Variants in SORCS1 observed in about 807,000 individuals in gnomAD.
SORCS1 encodes VPS10 domain-containing receptor SorCS1.
A neutral mutation model predicts 146.1 loss-of-function variants in SORCS1; 60 were observed. The observed-to-expected ratio is 0.41, with a 90% CI of 0.33 to 0.51. The LOEUF is 0.51. Among genes scored for constraint, SORCS1 ranks in the 20% least tolerant of loss-of-function variants. The pLI, the probability that SORCS1 is intolerant of heterozygous loss-of-function variation, is 0.21. For missense variants in SORCS1, 1,352 were observed against 1,487.6 expected (o/e 0.91, Z 1.50); for synonymous variants, 637 against 584.0 (o/e 1.09, Z -1.31).
At chr10:106,835,195 A>G (rs1413286575) in intron 2 of SORCS1, among the ~76,000 whole-genome samples, 1 of 152,234 alleles carries the variant, frequency 6.6e-6, no homozygotes, top group Non-Finnish European at 1.5e-5. Context: ...GGATCAGTAT[A>G]GGATACAGCT....
At chr10:106,745,423 GAAAAGA>G (rs1247384595) in intron 5 of SORCS1, among the ~76,000 whole-genome samples, 8 of 148,880 alleles carry the variant, frequency 5.4e-5, no homozygotes, top group Admixed American at 2.0e-4. Context: ...AAAAAAAAAA[GAAAAGA>G]AAAAGAAAAA....
chr10:107,179,370 C>T, the SORCS1 span, among the ~76,000 whole-genome samples: 1 of 152,084 alleles, frequency 6.6e-6, no homozygotes, highest in East Asian at 1.9e-4. Flanking sequence ...TATCATGTTG[C>T]CCTTGTATAG....
chr10:106,796,866 T>G (rs1381954884), intron 3 of SORCS1, among the ~76,000 whole-genome samples: 2 of 152,230 alleles, frequency 1.3e-5, no homozygotes, highest in Non-Finnish European at 2.9e-5. Context: ...TCCCAGCACT[T>G]TGGGAGGCCA....
intron 2 of SORCS1, among the ~76,000 whole-genome samples, chr10:106,832,345 C>A (rs1932764): frequency 0.28 from 43,257 of 151,854 alleles, 7,165 homozygotes; most frequent in Non-Finnish European, 0.38. Context: ...CACATCACCA[C>A]ATCCAGCTAA....
chr10:106,894,232 T>C (rs563622218), intron 2 of SORCS1, among the ~76,000 whole-genome samples: 1 of 151,538 alleles, frequency 6.6e-6, no homozygotes, highest in South Asian at 2.1e-4. Context: ...GTGGGGCATG[T>C]GTGCATGTGT....
chr10:106,707,641 C>T (rs2135818533), intron 7 of SORCS1, among the ~76,000 whole-genome samples: 1 of 152,214 alleles, frequency 6.6e-6, no homozygotes, highest in East Asian at 1.9e-4. Context: ...CAGGTGCCAC[C>T]ACAGCCAGTT....
intron 17 of SORCS1, among the ~76,000 whole-genome samples, chr10:106,662,638 C>A (rs1159446461): frequency 2.0e-5 from 3 of 152,156 alleles, no homozygotes; most frequent in Non-Finnish European, 4.4e-5. Context: ...ACACAGGGTT[C>A]CCAGTGGCTG....
intron 2 of SORCS1, among the ~76,000 whole-genome samples, chr10:106,924,673 T>TTGG (rs1952911739): frequency 1.3e-5 from 2 of 151,832 alleles, no homozygotes; most frequent in African/African-American, 4.8e-5. Context: ...TTTACAGATG[T>TTGG]TGGTGCTGCT....
At chr10:106,670,987 C>A (rs148061414) in intron 16 of SORCS1, among the ~76,000 whole-genome samples, 19 of 152,148 alleles carry the variant, frequency 1.2e-4, no homozygotes, top group Non-Finnish European at 2.4e-4. Context: ...AGCCACCATG[C>A]CCGGCCAAAT....
intron 1 of SORCS1, among the ~76,000 whole-genome samples, chr10:106,975,773 T>C (rs1260542163): frequency 6.6e-6 from 1 of 152,242 alleles, no homozygotes; most frequent in Non-Finnish European, 1.5e-5. Flanking sequence ...AATCCTGTAA[T>C]ACTGACCTTC....
At chr10:106,719,167 G>A (rs1439833342) in intron 6 of SORCS1, among the ~76,000 whole-genome samples, 1 of 152,188 alleles carries the variant, frequency 6.6e-6, no homozygotes, top group Non-Finnish European at 1.5e-5. Context: ...AGGAAGAAAA[G>A]AAGAAAGCAA....
At chr10:106,875,863 G>A (rs1382172870) in intron 2 of SORCS1, among the ~76,000 whole-genome samples, 1 of 152,116 alleles carries the variant, frequency 6.6e-6, no homozygotes, top group African/African-American at 2.4e-5. Context: ...AGTGACAGAA[G>A]TAGAAAAAGT....
At chr10:106,692,799 G>A (rs550395237) in intron 9 of SORCS1, among the ~76,000 whole-genome samples, 3 of 152,148 alleles carry the variant, frequency 2.0e-5, no homozygotes, top group African/African-American at 7.2e-5. Context: ...AATCATATGT[G>A]ATGGGTCACA....
At chr10:107,153,647 C>G (rs1276878375) in intron 1 of SORCS1, among the ~76,000 whole-genome samples, 1 of 152,182 alleles carries the variant, frequency 6.6e-6, no homozygotes, top group Non-Finnish European at 1.5e-5. Context: ...GACTGTCTCC[C>G]AACAATAGTG....
At chr10:107,066,606 T>A (rs906987350) in intron 1 of SORCS1, among the ~76,000 whole-genome samples, 1 of 152,174 alleles carries the variant, frequency 6.6e-6, no homozygotes, top group Non-Finnish European at 1.5e-5. Flanking sequence ...TTGAGTTAAT[T>A]ATCATTAAGC....
chr10:106,630,070 A>C (rs1261172186), intron 18 of SORCS1, among the ~76,000 whole-genome samples: 1 of 151,818 alleles, frequency 6.6e-6, no homozygotes, highest in Non-Finnish European at 1.5e-5. Flanking sequence ...ACAAACAAAA[A>C]CCCAAAAATT....
chr10:106,762,345 G>A (rs911825821), intron 4 of SORCS1, among the ~76,000 whole-genome samples: 3 of 151,268 alleles, frequency 2.0e-5, no homozygotes, highest in Non-Finnish European at 4.4e-5. Flanking sequence ...TCTAGCCAAG[G>A]AGAATCTGTA....
At chr10:106,817,966 T>C (rs1049729836) in intron 3 of SORCS1, among the ~76,000 whole-genome samples, 5 of 152,242 alleles carry the variant, frequency 3.3e-5, no homozygotes, top group African/African-American at 1.2e-4. Context: ...AAGCCTTTGT[T>C]GTCTGTACAA....
intron 2 of SORCS1, among the ~76,000 whole-genome samples, chr10:106,888,632 A>G (rs1951099053): frequency 6.6e-6 from 1 of 152,222 alleles, no homozygotes; most frequent in Admixed American, 6.5e-5. Flanking sequence ...ACAGGTTTCT[A>G]TTCCGTGACC....
Sources: allele counts gnomAD v4.1 joint callset (sites outside exome capture counted in the v4.1 genomes callset), GRCh38; gene constraint gnomAD v4.1.1; transcripts MANE v1.5; gene names NCBI Gene and HGNC (gene_info 2026-07-23, HGNC 2026-07-21).